CSMD1: variants seen among roughly 807,000 people sequenced by gnomAD.
CSMD1 encodes the protein CUB and Sushi multiple domains 1, also known as CUB and sushi domain-containing protein 1.
In CSMD1, 213 loss-of-function variants were observed where a neutral mutation model predicts 417.5. That is an observed-to-expected ratio of 0.51 (90% CI 0.46 to 0.57). The LOEUF (loss-of-function observed/expected upper bound fraction) is 0.57. CSMD1 is among the 20% of genes least tolerant of loss of function. CSMD1 has a pLI of 0.00. For synonymous variants in CSMD1, 2,862 were observed against 1,736.8 expected, an observed-to-expected ratio of 1.65 and a Z score of -16.11; for missense variants, 6,923 against 4,529.7, an observed-to-expected ratio of 1.53 and a Z score of -15.17.
chr8:3,240,997 G>C (rs1200927704), intron 26 of CSMD1, among the ~76,000 whole-genome samples: 1 of 150,656 alleles, frequency 6.6e-6, no homozygotes, highest in Admixed American at 6.7e-5. Flanking sequence ...AGTTTTTAAT[G>C]AGATGATAAG....
chr8:3,090,602 C>T (rs1411276854), intron 48 of CSMD1, among the ~76,000 whole-genome samples: 1 of 152,084 alleles, frequency 6.6e-6, no homozygotes. Flanking sequence ...CTGGTTTTCC[C>T]TTTGGACGCT....
At chr8:3,860,738 A>G (rs1585103141) in intron 5 of CSMD1, among the ~76,000 whole-genome samples, 1 of 152,302 alleles carries the variant, frequency 6.6e-6, no homozygotes. Flanking sequence ...CAAAGTCCAC[A>G]TTTTGAACCC....
intron 25 of CSMD1, among the ~76,000 whole-genome samples, chr8:3,294,735 G>A (rs916687183): frequency 1.3e-5 from 2 of 152,164 alleles, no homozygotes; most frequent in Non-Finnish European, 2.9e-5. Flanking sequence ...CCCTTTCTTT[G>A]ACTAGGATAG....
intron 3 of CSMD1, among the ~76,000 whole-genome samples, chr8:4,112,707 G>A (rs1191703170): frequency 6.6e-6 from 1 of 152,154 alleles, no homozygotes; most frequent in Non-Finnish European, 1.5e-5. Flanking sequence ...GTTTGCAAGT[G>A]ATATGGAGAT....
At chr8:4,082,953 T>C (rs2130819266) in intron 3 of CSMD1, among the ~76,000 whole-genome samples, 1 of 152,188 alleles carries the variant, frequency 6.6e-6, no homozygotes, top group South Asian at 2.1e-4. Flanking sequence ...CTCACCATTT[T>C]TTATGGCTGA....
intron 2 of CSMD1, among the ~76,000 whole-genome samples, chr8:4,623,885 T>C (rs1289850523): frequency 6.6e-6 from 1 of 152,098 alleles, no homozygotes; most frequent in Non-Finnish European, 1.5e-5. Context: ...AAAAGTTTTG[T>C]GGGTGATAGA....
chr8:4,018,939 G>C (rs2554591), intron 4 of CSMD1, among the ~76,000 whole-genome samples: 21 of 152,072 alleles, frequency 1.4e-4, no homozygotes, highest in African/African-American at 5.1e-4. Context: ...ACATACGTAA[G>C]GCATGTAAAC....
intron 22 of CSMD1, among the ~76,000 whole-genome samples, chr8:3,344,142 G>A (rs763154554): frequency 1.7e-4 from 26 of 152,204 alleles, no homozygotes; most frequent in Admixed American, 1.4e-3. Flanking sequence ...TTGACCAGCC[G>A]GGAGAGGGAA....
At chr8:4,393,258 G>C (rs1486866874) in intron 3 of CSMD1, among the ~76,000 whole-genome samples, 2 of 152,142 alleles carry the variant, frequency 1.3e-5, no homozygotes, top group Admixed American at 1.3e-4. Context: ...TTACAGGCGT[G>C]AGCCACCCCA....
intron 1 of CSMD1, among the ~76,000 whole-genome samples, chr8:4,881,433 A>G (rs996005468): frequency 4.1e-4 from 19 of 45,978 alleles, no homozygotes; most frequent in Middle Eastern, 0.012. Flanking sequence ...CTATCTATCT[A>G]TCTATCTATC....
chr8:4,000,492 T>C lies in CSMD1; in HGVS notation c.611-2382A>G, dbSNP rs530218990. On this transcript the variant is annotated intron_variant, in intron 4 of 69. Coordinates refer to ENST00000635120, the MANE Select transcript of CSMD1 (RefSeq NM_033225.6). Reference sequence around the variant, plus strand: ...AGTGGCTACTACTGAGATTCAGATATTGGGCAGAATTCAGCTCTAAGCCCC... The same window carrying C: ...AGTGGCTACTACTGAGATTCAGATACTGGGCAGAATTCAGCTCTAAGCCCC... Among the ~76,000 whole-genome samples the C allele has an allele frequency of 5.9e-5, 9 of 152,336 alleles. No homozygotes were observed. In the East Asian group the frequency reaches 1.2e-3, roughly 20 times the overall value.
At chr8:3,233,317 T>C (rs2116924003) in intron 26 of CSMD1, among the ~76,000 whole-genome samples, 1 of 152,342 alleles carries the variant, frequency 6.6e-6, no homozygotes, top group African/African-American at 2.4e-5. Flanking sequence ...AAGAGTGACC[T>C]GAGCTGGCAT....
chr8:4,216,732 G>C (rs117951795), intron 3 of CSMD1, among the ~76,000 whole-genome samples: 1 of 152,166 alleles, frequency 6.6e-6, no homozygotes, highest in Admixed American at 6.5e-5. Context: ...AACGAATGGA[G>C]ATGTTTTAAG....
chr8:3,914,651 A>G (rs1467352785), intron 5 of CSMD1, among the ~76,000 whole-genome samples: 1 of 152,150 alleles, frequency 6.6e-6, no homozygotes, highest in Non-Finnish European at 1.5e-5. Flanking sequence ...ATCTCCACCT[A>G]GTCCACGTTA....
At position 3,190,071 on chromosome 8, in the gene CSMD1, G is replaced by C. The variant is rs746992817; in HGVS notation, c.5239C>G (p.Pro1747Ala). The part of the protein sequence containing the change: ...SDTQCSSVPE[P>A]RYGRRIGSEF... ...GAACCAATTCTCCTTCCGTATCTGG[G>C]CTCGGGGACAGAGCTGCATTGGGTG... Residue 1747 changes from proline to alanine, a missense_variant, in exon 34 of 70, where the codon CCC becomes GCC. Physicochemically the swap from Pro to Ala is conservative, Grantham distance 27 (BLOSUM62 -1). Coordinates refer to ENST00000635120, the MANE Select transcript of CSMD1 (RefSeq NM_033225.6). 1 of 1,595,760 alleles carries C rather than the reference G, an allele frequency of 6.3e-7. No homozygotes were observed. The highest frequency in any genetic ancestry group is 8.5e-7 in the Non-Finnish European group (1 of 1,171,208).
chr8:3,307,792 T>G lies in CSMD1; in HGVS notation c.3853A>C (p.Thr1285Pro). The part of the protein sequence containing the change: ...AECGGQIHAA[T>P]SGRILSPGYP... ...CCAGGGGACAATATTCGTCCTGATG[T>G]GGCTGCATGGATCTGACCACCACAT... The change falls in exon 25 of 70, where the codon ACA becomes CCA. Residue 1285 changes from threonine (T) to proline (P), a missense_variant. Thr to Pro is a conservative substitution (Grantham distance 38). Transcript: ENST00000635120. 1.9e-6 allele frequency: 3 copies of G among 1,613,622 alleles called. No homozygotes were observed. Among genetic ancestry groups the G allele is most frequent in the South Asian group, 1.1e-5 (1 of 91,058 alleles).
chr8:4,138,696 T>C (rs1295591045), intron 3 of CSMD1, among the ~76,000 whole-genome samples: 2 of 152,190 alleles, frequency 1.3e-5, no homozygotes, highest in Non-Finnish European at 2.9e-5. Context: ...TGTAATGAAT[T>C]CAATATTTCT....
In CSMD1 at chr8:3,772,386, TTTATATATAC is replaced by T. The variant is rs1435900277; in HGVS notation, c.819-18354_819-18345del. Among the ~76,000 whole-genome samples the T allele has an allele frequency of 8.9e-5, 12 of 134,866 alleles. 1 individual carries two copies. Among genetic ancestry groups the T allele is most frequent in the African/African-American group, 3.7e-4 (12 of 32,558 alleles). 88.5% of individuals were successfully genotyped at this position (134,866 alleles called of 152,430 possible). On this transcript the variant is annotated intron_variant, in intron 5 of 69. Coordinates refer to ENST00000635120, the MANE Select transcript of CSMD1 (RefSeq NM_033225.6). ...ATACATATATACATATATTCATATA[TTTATATATAC>T]ACATATATACATATATTTATATATA... is the stretch of plus-strand genomic sequence containing the variant.
chr8:3,089,545 G>A (rs1295246099), intron 48 of CSMD1, among the ~76,000 whole-genome samples: 2 of 152,134 alleles, frequency 1.3e-5, no homozygotes, highest in East Asian at 3.9e-4. Flanking sequence ...GGGATGCAAC[G>A]TGTGGTCATG....
Sources: allele counts gnomAD v4.1 joint callset (sites outside exome capture counted in the v4.1 genomes callset), GRCh38; gene constraint gnomAD v4.1.1; transcripts MANE v1.5; gene names NCBI Gene and HGNC (gene_info 2026-07-23, HGNC 2026-07-21).